NRG1: variants seen among roughly 807,000 people sequenced by gnomAD.
NRG1 encodes neuregulin 1.
NRG1 carries 18 observed loss-of-function variants against 63.8 expected under a neutral mutation model. The ratio of observed to expected loss-of-function variants is 0.28; its 90% confidence interval spans 0.19 to 0.42. NRG1 has a LOEUF of 0.42. Among genes scored for constraint, NRG1 ranks in the 10% least tolerant of loss-of-function variants. NRG1 has a pLI of 1.00. For synonymous variants in NRG1, 302 were observed against 301.3 expected (o/e 1.00, Z -0.02); for missense variants, 762 against 814.7 (o/e 0.94, Z 0.79).
rs926153078 is a variant in NRG1, at chr8:32,513,701, G to A, written c.38-82127G>A. On this transcript the variant is annotated intron_variant, in intron 1 of 10. Transcript: ENST00000519301. The stretch of plus-strand genomic sequence containing the variant: ...ATTTTTGAGAATAAAATTTCCAACA[G>A]CATTTTTATATATATCAGTGAAGAT... Among the ~76,000 whole-genome samples the A allele has an allele frequency of 2.6e-5, 4 of 152,072 alleles. No homozygotes were observed. In the South Asian group the frequency reaches 8.3e-4, roughly 32 times the overall value.
chr8:32,053,862 G>C (rs1222209677), intron 1 of NRG1, among the ~76,000 whole-genome samples: 1 of 152,186 alleles, frequency 6.6e-6, no homozygotes, highest in Non-Finnish European at 1.5e-5. Flanking sequence ...TGTGCTGTTT[G>C]TGGGACAGCA....
chr8:31,662,391 G>A (rs576051914), intron 1 of NRG1, among the ~76,000 whole-genome samples: 23 of 152,322 alleles, frequency 1.5e-4, no homozygotes, highest in African/African-American at 5.1e-4. Context: ...ATGAAGGACT[G>A]TGAAAAAGCT....
At chr8:32,203,134 C>T (rs182389472) in intron 1 of NRG1, among the ~76,000 whole-genome samples, 22 of 149,280 alleles carry the variant, frequency 1.5e-4, no homozygotes, top group Admixed American at 3.4e-4. Context: ...TGGTCCTGAA[C>T]GCAGCCCTGA....
chr8:31,927,019 T>C (rs916994676), intron 1 of NRG1, among the ~76,000 whole-genome samples: 1 of 152,176 alleles, frequency 6.6e-6, no homozygotes, highest in Non-Finnish European at 1.5e-5. Flanking sequence ...TTTTCTGATT[T>C]TTTTTAGTAA....
intron 1 of NRG1, among the ~76,000 whole-genome samples, chr8:32,071,331 G>A (rs1237361439): frequency 6.6e-6 from 1 of 152,136 alleles, no homozygotes; most frequent in African/African-American, 2.4e-5. Context: ...TGTTAACTCT[G>A]TGCAGTCGTA....
At chr8:32,402,510 C>T (rs192628119) in intron 1 of NRG1, among the ~76,000 whole-genome samples, 80 of 152,264 alleles carry the variant, frequency 5.3e-4, no homozygotes, top group African/African-American at 1.9e-3. Context: ...CTGTCCCATG[C>T]GGGACATGAA....
intron 1 of NRG1, among the ~76,000 whole-genome samples, chr8:31,975,823 A>G (rs1047915668): frequency 6.6e-4 from 100 of 152,232 alleles, no homozygotes. Flanking sequence ...GACACTTTAC[A>G]TGGAGAAAAA....
At chr8:32,643,240 C>A (rs1231359548) in intron 5 of NRG1, among the ~76,000 whole-genome samples, 1 of 152,204 alleles carries the variant, frequency 6.6e-6, no homozygotes, top group Non-Finnish European at 1.5e-5. Flanking sequence ...GCCACTTTCT[C>A]CCTCAAGATT....
intron 1 of NRG1, among the ~76,000 whole-genome samples, chr8:32,200,480 C>T (rs1843391825): frequency 6.6e-6 from 1 of 152,072 alleles, no homozygotes; most frequent in Non-Finnish European, 1.5e-5. Flanking sequence ...TCCACTTCCT[C>T]CCCACCCCAC....
intron 1 of NRG1, among the ~76,000 whole-genome samples, chr8:31,978,759 A>T (rs1321362682): frequency 6.6e-6 from 1 of 152,162 alleles, no homozygotes; most frequent in Non-Finnish European, 1.5e-5. Flanking sequence ...ACCTGAGACA[A>T]CCAATCCATA....
chr8:32,503,644 A>T (rs1828149647), intron 1 of NRG1, among the ~76,000 whole-genome samples: 1 of 152,178 alleles, frequency 6.6e-6, no homozygotes, highest in African/African-American at 2.4e-5. Context: ...CAACTTGAAG[A>T]CGTAACTCTC....
intron 1 of NRG1, among the ~76,000 whole-genome samples, chr8:32,524,782 TC>T (rs1830664829): frequency 6.6e-6 from 1 of 152,196 alleles, no homozygotes; most frequent in Non-Finnish European, 1.5e-5. Flanking sequence ...TCTTGTGTCA[TC>T]CCAGTCCACT....
At chr8:32,679,114 A>G (rs1408381950) in intron 5 of NRG1, among the ~76,000 whole-genome samples, 1 of 152,118 alleles carries the variant, frequency 6.6e-6, no homozygotes, top group Non-Finnish European at 1.5e-5. Flanking sequence ...AAATATAGCA[A>G]GACATCACCC....
At chr8:32,575,439 G>A (rs71512640) in intron 1 of NRG1, among the ~76,000 whole-genome samples, 24,941 of 151,546 alleles carry the variant, frequency 0.16, 2,469 homozygotes, top group South Asian at 0.34. Flanking sequence ...GGATGGGAAA[G>A]TGGGGGTGGG....
At chr8:32,700,101 C>T (rs1015347185) in intron 5 of NRG1, among the ~76,000 whole-genome samples, 9 of 152,106 alleles carry the variant, frequency 5.9e-5, no homozygotes, top group Non-Finnish European at 1.2e-4. Context: ...CTCTTTCCAC[C>T]CTTTCCCCAG....
chr8:31,892,185 G>A (rs1305100197), intron 1 of NRG1, among the ~76,000 whole-genome samples: 1 of 152,112 alleles, frequency 6.6e-6, no homozygotes, highest in Non-Finnish European at 1.5e-5. Flanking sequence ...AATTTACACT[G>A]ATCTCTAATG....
At chr8:31,970,570 G>A (rs1045030450) in intron 1 of NRG1, among the ~76,000 whole-genome samples, 2 of 152,124 alleles carry the variant, frequency 1.3e-5, no homozygotes, top group African/African-American at 4.8e-5. Context: ...TGAGCTTACA[G>A]CACCCTGTGC....
At chr8:32,560,427 T>C (rs1393191324) in intron 1 of NRG1, among the ~76,000 whole-genome samples, 2 of 152,310 alleles carry the variant, frequency 1.3e-5, no homozygotes, top group African/African-American at 4.8e-5. Context: ...TGTTGTCATA[T>C]CACCAGGTGC....
chr8:31,683,096 T>C (rs1401982821), intron 1 of NRG1, among the ~76,000 whole-genome samples: 1 of 152,026 alleles, frequency 6.6e-6, no homozygotes, highest in Non-Finnish European at 1.5e-5. Flanking sequence ...CCTGCTGAGG[T>C]TTTATTAGAG....
Sources: allele counts gnomAD v4.1 joint callset (sites outside exome capture counted in the v4.1 genomes callset), GRCh38; gene constraint gnomAD v4.1.1; transcripts MANE v1.5; gene names NCBI Gene and HGNC (gene_info 2026-07-23, HGNC 2026-07-21).